Variants in HID1 observed in about 807,000 individuals in gnomAD.
HID1 encodes HID1 domain containing.
A neutral mutation model predicts 89.7 loss-of-function variants in HID1; 42 were observed. The ratio of observed to expected loss-of-function variants is 0.47; its 90% CI spans 0.37 to 0.61. The LOEUF is 0.61. HID1 is among the 20% of genes least tolerant of loss of function. HID1 has a pLI of 0.00. For synonymous variants in HID1, 442 were observed against 433.8 expected (o/e 1.02, Z -0.24); for missense variants, 854 against 1,039.3 (o/e 0.82, Z 2.45).
At chr17:74,963,140 AG>A (rs2039510400) in intron 3 of HID1, 59 bp from the exon 4 acceptor site, 1 of 1,291,160 alleles carries the variant, frequency 7.7e-7, no homozygotes, top group Admixed American at 2.1e-5. Flanking sequence ...GAGGTGGCCC[AG>A]GGCTTGGGGG....
intron 2 of HID1, 150 bp downstream of exon 2, chr17:74,964,333 C>T (rs1029162672): frequency 4.4e-6 from 4 of 901,574 alleles, no homozygotes; most frequent in African/African-American, 3.4e-5. Flanking sequence ...TCCCAACGCC[C>T]AGCAAAGAGA....
chr17:74,963,188 A>C, intron 3 of HID1, 107 bp from the exon 4 acceptor site: 1 of 744,820 alleles, frequency 1.3e-6, no homozygotes, highest in Non-Finnish European at 2.2e-6. Context: ...GCGGGCACCC[A>C]TGGGCAGAGG....
rs1425267349 is a variant in HID1, at chr17:74,963,896, C to G, written c.231G>C (p.Leu77=). 1.2e-6 allele frequency: 2 copies of G among 1,613,810 alleles called. No individual in the cohort carries two copies. The highest frequency in any genetic ancestry group is 3.3e-5 in the Admixed American group (2 of 60,000). ...ATLCYKAVEK[L]VQGAESGCHS... ...GGCAGCCACTCTCAGCTCCCTGCACCAGCTTCTCAACGGCCTGTGGGGGCA... is the reference window on the plus strand; with the variant it reads ...GGCAGCCACTCTCAGCTCCCTGCACGAGCTTCTCAACGGCCTGTGGGGGCA... Residue 77 remains leucine (L), a synonymous_variant, in exon 3 of 19, where the codon CTG becomes CTC. Transcript: ENST00000425042.
At chr17:74,955,728 C>T (rs9899490) in intron 13 of HID1, 64 bp downstream of exon 13, 1,452,848 of 1,521,754 alleles carry the variant, frequency 0.95, 693,742 homozygotes, top group East Asian at 1. Context: ...GGCTGTGCCC[C>T]CCTTATGTAG....
At chr17:74,953,966 T>C (rs2039347248) in intron 14 of HID1, among the ~76,000 whole-genome samples, 172 bp downstream of exon 14, 2 of 150,332 alleles carry the variant, frequency 1.3e-5, no homozygotes, top group African/African-American at 2.5e-5. Flanking sequence ...CCAAGCTACA[T>C]ATGCTAAGCC....
chr17:74,954,023 G>C lies in HID1; in HGVS notation c.1864+115C>G, dbSNP rs1049140883. The C allele has an allele frequency of 3.1e-5, 32 of 1,028,534 alleles. No homozygotes were observed. In the African/African-American group the frequency reaches 4.4e-4, roughly 14 times the overall value. 63.7% of individuals were successfully genotyped at this position (1,028,534 alleles called of 1,614,324 possible). On this transcript the variant is annotated intron_variant, in intron 14 of 18. Coordinates refer to ENST00000425042, the MANE Select transcript of HID1 (RefSeq NM_030630.3). The stretch of plus-strand genomic sequence containing the variant: ...CCCTGTTGCCCAGCCCCATCCCCTC[G>C]GCTTCCATACATAAGCCATGCTCTT...
chr17:74,962,377 C>T lies in HID1; in HGVS notation c.505-37G>A, dbSNP rs765288453. On this transcript the variant is annotated intron_variant, in intron 4 of 18. Transcript: ENST00000425042. The surrounding 1 kb of genome is among the most constrained non-coding windows in gnomAD (Gnocchi z 4.3). ...CCAGGAAGAAGCCGGGTTAGGGGGTCGAGAGGTGAACAGCAGCCTGGGTCA... is the reference window on the plus strand; with the variant it reads ...CCAGGAAGAAGCCGGGTTAGGGGGTTGAGAGGTGAACAGCAGCCTGGGTCA... 1.4e-5 allele frequency: 20 copies of T among 1,469,560 alleles called. No homozygotes were observed. The highest frequency in any genetic ancestry group is 8.3e-5 in the African/African-American group (6 of 71,904). The allele number at this position is 1,469,560 out of a possible 1,614,324, so 91.0% of individuals were successfully genotyped here. A position where few individuals can be genotyped will look rare whatever the true frequency, so the allele number is the denominator to read the frequency against.
Position 74,962,448 on chromosome 17 carries a change from G to T in HID1, c.505-108C>A. 7.7e-6 allele frequency: 5 copies of T among 646,034 alleles called. No homozygotes were observed. The highest frequency in any genetic ancestry group is 1.4e-5 in the Non-Finnish European group (5 of 369,498). The allele number at this position is 646,034 out of a possible 1,614,324, so 40.0% of individuals were successfully genotyped here. A position where few individuals can be genotyped will look rare whatever the true frequency, so the allele number is the denominator to read the frequency against. ...TCACACAGTCCCAGGGGCAGAGACC[G>T]CCAGTTCTCCTAAAGACAGGTCCTC... On this transcript the variant is annotated intron_variant, in intron 4 of 18. Transcript: ENST00000425042. This position sits in a 1 kb window ranked among gnomAD's most constrained non-coding sequence, Gnocchi z 4.3.
chr17:74,959,449 G>A lies in HID1; in HGVS notation c.1009-398C>T, dbSNP rs986133180. 6.6e-6 allele frequency among the ~76,000 whole-genome samples: 1 copy of A among 152,118 alleles called. No homozygotes were observed. Among genetic ancestry groups the A allele is most frequent in the African/African-American group, 2.4e-5 (1 of 41,382 alleles). ...CCATCACCCCATCACAACTCGAGGA[G>A]CATTCCACTGTTCTGTCATTTACTG... On this transcript the variant is annotated intron_variant, in intron 8 of 18. Coordinates refer to ENST00000425042, the MANE Select transcript of HID1 (RefSeq NM_030630.3). The surrounding 1 kb of genome is among the most constrained non-coding windows in gnomAD (Gnocchi z 4.6).
Position 74,952,373 on chromosome 17 carries a change from G to C in HID1, c.2053-13C>G, listed in dbSNP as rs762250792. The C allele has an allele frequency of 3.7e-6, 6 of 1,608,202 alleles. No homozygotes were observed. The highest frequency in any genetic ancestry group is 2.7e-5 in the African/African-American group (2 of 74,776). ...TCCAGGAGAGGACCTGGCGAGGGAC[G>C]GGGTTCCTGGGGCTGAGAAAGCAGC... On this transcript the variant is annotated splice_polypyrimidine_tract_variant and intron_variant, in intron 16 of 18. Coordinates refer to ENST00000425042, the MANE Select transcript of HID1 (RefSeq NM_030630.3).
chr17:74,957,988 CT>C (rs201777882), intron 12 of HID1, 152 bp downstream of exon 12: 485 of 567,026 alleles, frequency 8.6e-4, no homozygotes, highest in South Asian at 1.5e-3. Flanking sequence ...TGTTGTCACC[CT>C]TTTTTTTTAA....
rs1030751350 is a variant in HID1 at position 74,951,546 on chromosome 17, C to T, written c.*24G>A. 3 of 1,603,498 alleles carry T rather than the reference C, an allele frequency of 1.9e-6. No homozygotes were observed. The highest frequency in any genetic ancestry group is 2.6e-6 in the Non-Finnish European group (3 of 1,174,826). ...GACCAAGGCCCTGCCTTCCCCTAGA[C>T]TGAGCCCCTCGTCGGCTTCATCCTC... On this transcript the variant is annotated 3_prime_UTR_variant, in exon 19 of 19. Coordinates refer to ENST00000425042, the MANE Select transcript of HID1 (RefSeq NM_030630.3).
chr17:74,957,377 G>C (rs2039405730), intron 12 of HID1, among the ~76,000 whole-genome samples: 1 of 151,930 alleles, frequency 6.6e-6, no homozygotes, highest in Non-Finnish European at 1.5e-5. Context: ...CCAGCTACTT[G>C]GGAGGCTGAG....
chr17:74,951,391 G>T lies in HID1; in HGVS notation c.*179C>A. 4.8e-6 allele frequency: 3 copies of T among 627,404 alleles called. No homozygotes were observed. In the South Asian group the frequency reaches 5.7e-5, roughly 12 times the overall value. 38.9% of individuals were successfully genotyped at this position (627,404 alleles called of 1,614,324 possible). On this transcript the variant is annotated 3_prime_UTR_variant, in exon 19 of 19. Coordinates refer to ENST00000425042, the MANE Select transcript of HID1 (RefSeq NM_030630.3). The stretch of plus-strand genomic sequence containing the variant: ...TGAGTCCAGCCTAGGGGTTGAGGGG[G>T]ATCTGAGCCAGTTCACATTGTCCTG...
chr17:74,952,524 T>C (rs373028418), intron 16 of HID1, among the ~76,000 whole-genome samples, 164 bp from the exon 17 acceptor site: 62 of 152,148 alleles, frequency 4.1e-4, no homozygotes, highest in African/African-American at 1.4e-3. Flanking sequence ...TTAATCCTTA[T>C]TGATGGCAAG....
rs550526711 is a variant in HID1 at position 74,964,598 on chromosome 17, T to C, written c.101A>G (p.Gln34Arg). The change falls in exon 2 of 19, where the codon CAG becomes CGG. Residue 34 changes from glutamine to arginine, a missense_variant. Gln to Arg is a conservative substitution (Grantham distance 43). Coordinates refer to ENST00000425042, the MANE Select transcript of HID1 (RefSeq NM_030630.3). ...VEATDDAFWD[Q>R]FWADTATSVQ... ...CGAGGTGGCTGTGTCTGCCCAGAAC[T>C]GGTCCCAAAAGGCATCATCGGTGGC... 69 of 1,612,664 alleles carry C rather than the reference T, an allele frequency of 4.3e-5. No homozygotes were observed. In the South Asian group the frequency reaches 7.2e-4, roughly 17 times the overall value.
In HID1 at chr17:74,960,143, T is replaced by C; in HGVS notation, c.834A>G (p.Glu278=). 1 of 1,613,848 alleles carries C rather than the reference T, an allele frequency of 6.2e-7. No homozygotes were observed. Residue 278 remains glutamate (E), a synonymous_variant, in exon 7 of 19, where the codon GAA becomes GAG. Coordinates refer to ENST00000425042, the MANE Select transcript of HID1 (RefSeq NM_030630.3). Reference sequence around the variant, plus strand: ...CCTGGGCAGCCTCCTCCACCAGGGGTTCCCGGTAGTCAGAGAAGAGCAGGT... The same window carrying C: ...CCTGGGCAGCCTCCTCCACCAGGGGCTCCCGGTAGTCAGAGAAGAGCAGGT... ...YNHLLFSDYR[E]PLVEEAAQVL...
chr17:74,954,305 T>A lies in HID1; in HGVS notation c.1697A>T (p.Asn566Ile). ...AATGGTGGGCGGGTCCGTGGGCAGG[T>A]TGGCCAGCTGGTGGAAGATGCTGCG... is the stretch of plus-strand genomic sequence containing the variant. ...RKRSIFHQLA[N>I]LPTDPPTIHK... is the part of the protein sequence containing the mutation. The change falls in exon 14 of 19, where the codon AAC becomes ATC. Residue 566 changes from asparagine (N) to isoleucine (I), a missense_variant. By Grantham distance (149) the Asn-to-Ile change is moderately radical (BLOSUM62 -3). Coordinates refer to ENST00000425042, the MANE Select transcript of HID1 (RefSeq NM_030630.3). The A allele has an allele frequency of 6.3e-7, 1 of 1,587,352 alleles. No homozygotes were observed.
chr17:74,954,234 G>A lies in HID1; in HGVS notation c.1768C>T (p.Arg590Cys), dbSNP rs937030837. ...RRRRTPEPLS[R>C]TGSQEGTSME... is the part of the protein sequence containing the mutation. ...GAGGTGCCCTCCTGGGAGCCGGTGC[G>A]AGACAAGGGCTCAGGTGTCCGCCGG... The change falls in exon 14 of 19, where the codon CGC becomes TGC. Residue 590 changes from arginine (R) to cysteine (C), a missense_variant. By Grantham distance (180) the Arg-to-Cys change is radical. Coordinates refer to ENST00000425042, the MANE Select transcript of HID1 (RefSeq NM_030630.3). 30 of 1,594,802 alleles carry A rather than the reference G, an allele frequency of 1.9e-5. No individual in the cohort carries two copies. The highest frequency in any genetic ancestry group is 1.7e-4 in the Middle Eastern group (1 of 6,056).
Sources: gnomAD v4.1 joint callset for allele counts (sites outside exome capture counted in the v4.1 genomes callset) on GRCh38, gnomAD v4.1.1 for gene constraint, Gnocchi (gnomAD v3.1) non-coding constraint, MANE v1.5 for transcripts, NCBI Gene and HGNC (gene_info 2026-07-23, HGNC 2026-07-21) for gene names.